The following TET1 variants were observed in gnomAD, a reference collection of about 807,000 sequenced individuals.
TET1 encodes the protein methylcytosine dioxygenase TET1.
TET1 carries 13 observed loss-of-function variants against 148.7 expected under a neutral mutation model. The ratio of observed to expected loss-of-function variants is 0.09; its 90% CI spans 0.06 to 0.14. The LOEUF is 0.14. TET1 is among the 10% of genes least tolerant of loss of function. TET1 has a pLI of 1.00. For synonymous variants in TET1, 907 were observed against 937.2 expected, an observed-to-expected ratio of 0.97 and a Z score of 0.59; for missense variants, 2,182 against 2,553.8, an observed-to-expected ratio of 0.85 and a Z score of 3.14.
At position 68,573,777 on chromosome 10, in the gene TET1, C is replaced by T. The variant is rs775663404; in HGVS notation, c.1439C>T (p.Ser480Leu). Residue 480 changes from serine (S) to leucine (L), a missense_variant, in exon 2 of 12, where the codon TCA becomes TTA. By Grantham distance (145) the Ser-to-Leu change is moderately radical (BLOSUM62 -2). Coordinates refer to ENST00000373644, the MANE Select transcript of TET1 (RefSeq NM_030625.3). Reference sequence around the variant, plus strand: ...GGCTCAGGACACACTCCTCAATCATCATCAAACTCAGAGAAAAATTCATTA... The same window carrying T: ...GGCTCAGGACACACTCCTCAATCATTATCAAACTCAGAGAAAAATTCATTA... The part of the protein sequence containing the change: ...PLGSGHTPQS[S>L]SNSEKNSLPP... The T allele has an allele frequency of 1.9e-6, 3 of 1,613,936 alleles. No homozygotes were observed. The highest frequency in any genetic ancestry group is 1.7e-6 in the Non-Finnish European group (2 of 1,180,038).
At chr10:68,622,562 G>C (rs2054392953) in intron 3 of TET1, among the ~76,000 whole-genome samples, 1 of 151,774 alleles carries the variant, frequency 6.6e-6, no homozygotes, top group South Asian at 2.1e-4. Context: ...CACCACACCC[G>C]GCCCCTCATT....
intron 6 of TET1, among the ~76,000 whole-genome samples, chr10:68,663,579 G>C (rs182016367): frequency 1.5e-4 from 23 of 152,170 alleles, no homozygotes; most frequent in African/African-American, 4.8e-4. Context: ...TTTAATACCA[G>C]TCATATATCA....
At chr10:68,641,807 T>C (rs562632851) in intron 3 of TET1, among the ~76,000 whole-genome samples, 2 of 152,250 alleles carry the variant, frequency 1.3e-5, no homozygotes, top group South Asian at 4.1e-4. Flanking sequence ...GGCCTATTTA[T>C]TTATTTATTG....
intron 3 of TET1, among the ~76,000 whole-genome samples, chr10:68,638,020 C>A (rs2054681216): frequency 6.6e-6 from 1 of 152,146 alleles, no homozygotes; most frequent in Non-Finnish European, 1.5e-5. Context: ...CCTCAAGTGA[C>A]CCACTCACTG....
rs1454252198 is a variant in TET1, at chr10:68,691,721, T to G, written c.6318T>G (p.Ser2106=). 2.5e-6 allele frequency: 4 copies of G among 1,614,068 alleles called. No individual in the cohort carries two copies. Among genetic ancestry groups the G allele is most frequent in the Admixed American group, 1.7e-5 (1 of 60,014 alleles). The part of the protein sequence containing the change: ...SEVNELNQIP[S]HKALTLTHDN... The stretch of plus-strand genomic sequence containing the variant: ...TAAATGAATTGAACCAAATTCCTTC[T>G]CATAAAGCATTAACATTAACCCATG... The change falls in exon 12 of 12, where the codon TCT becomes TCG. Residue 2106 remains serine, a synonymous_variant. Coordinates refer to ENST00000373644, the MANE Select transcript of TET1 (RefSeq NM_030625.3). This position sits in a 1 kb window ranked among gnomAD's most constrained non-coding sequence, Gnocchi z 4.4.
At chr10:68,653,004 A>G (rs934272531) in intron 6 of TET1, among the ~76,000 whole-genome samples, 1 of 151,662 alleles carries the variant, frequency 6.6e-6, no homozygotes, top group Admixed American at 6.6e-5. Context: ...AGTTGCAAAT[A>G]TATTTTCTCA....
intron 3 of TET1, among the ~76,000 whole-genome samples, chr10:68,624,886 C>G (rs1243558206): frequency 1.3e-5 from 2 of 151,534 alleles, no homozygotes; most frequent in Middle Eastern, 6.8e-3. Context: ...AGTCCGCCAT[C>G]ACGCCCAGCT....
intron 3 of TET1, among the ~76,000 whole-genome samples, chr10:68,627,644 G>A (rs2054505122): frequency 6.6e-6 from 1 of 151,344 alleles, no homozygotes; most frequent in Non-Finnish European, 1.5e-5. Context: ...AAGAAATAAA[G>A]TGGCCGGGCG....
intron 3 of TET1, among the ~76,000 whole-genome samples, chr10:68,602,114 C>T (rs1407290363): frequency 6.6e-6 from 1 of 152,150 alleles, no homozygotes; most frequent in Non-Finnish European, 1.5e-5. Context: ...TTTTCATGTA[C>T]CTGTTTCATC....
intron 3 of TET1, chr10:68,632,710 G>A: frequency 5.0e-6 from 8 of 1,608,078 alleles, no homozygotes; most frequent in Middle Eastern, 1.7e-4. Context: ...AAAACACAAC[G>A]GCGGCAGCAG....
At chr10:68,608,141 G>C (rs1349607670) in intron 3 of TET1, among the ~76,000 whole-genome samples, 1 of 152,108 alleles carries the variant, frequency 6.6e-6, no homozygotes, top group Non-Finnish European at 1.5e-5. Flanking sequence ...TGTTGGCCAG[G>C]ATGGTCTCAA....
chr10:68,647,797 A>C (rs1392821759), intron 4 of TET1, among the ~76,000 whole-genome samples: 1 of 152,102 alleles, frequency 6.6e-6, no homozygotes, highest in East Asian at 1.9e-4. Context: ...TTGCCGTCCT[A>C]CTCTAGAATT....
At chr10:68,689,642 G>C (rs1244050184) in intron 11 of TET1, among the ~76,000 whole-genome samples, 3 of 152,134 alleles carry the variant, frequency 2.0e-5, no homozygotes, top group African/African-American at 7.2e-5. Context: ...TGGGTGTGGT[G>C]GTGGTGTGCG....
rs140289196 is a variant in TET1 at position 68,646,205 on chromosome 10, G to A, written c.3476G>A (p.Arg1159Gln). 282 of 1,613,924 alleles carry A rather than the reference G, an allele frequency of 1.7e-4. No homozygotes were observed. The highest frequency in any genetic ancestry group is 4.9e-4 in the Middle Eastern group (3 of 6,084). Reference protein sequence around the residue: ...KTKSTPSRDRRKKKPTVVSYQ... With the variant: ...KTKSTPSRDRQKKKPTVVSYQ... Reference sequence around the variant, plus strand: ...AAATCCACCCCATCAAGAGATCGGCGGAAAAAGAAGCCCACAGTTGTAAGT... The same window carrying A: ...AAATCCACCCCATCAAGAGATCGGCAGAAAAAGAAGCCCACAGTTGTAAGT... The change falls in exon 4 of 12, where the codon CGG becomes CAG. Residue 1159 changes from arginine to glutamine, a missense_variant. By Grantham distance (43) the Arg-to-Gln change is conservative (BLOSUM62 1). This residue lies in a region of TET1 where 582 missense variants were observed against 599.5 expected (regional missense o/e 0.97). Transcript: ENST00000373644.
At chr10:68,574,649 C>A (rs1009152030) in intron 2 of TET1, among the ~76,000 whole-genome samples, 2 of 152,168 alleles carry the variant, frequency 1.3e-5, no homozygotes, top group Non-Finnish European at 2.9e-5. Context: ...GGAACAAATT[C>A]ATTAACTCCA....
At chr10:68,630,727 G>A (rs2054556792) in intron 3 of TET1, among the ~76,000 whole-genome samples, 1 of 152,194 alleles carries the variant, frequency 6.6e-6, no homozygotes. Flanking sequence ...ATAAGTGTAG[G>A]TTGATGCCAA....
chr10:68,643,261 C>CAAAAAAAA (rs59820865), intron 3 of TET1, among the ~76,000 whole-genome samples: 2 of 91,820 alleles, frequency 2.2e-5, no homozygotes, highest in Admixed American at 2.7e-4. Context: ...GACCCTGTCT[C>CAAAAAAAA]AAAAAAAAAA....
chr10:68,573,242 C>A lies in TET1; in HGVS notation c.904C>A (p.Leu302Ile). 2 of 1,613,978 alleles carry A rather than the reference C, an allele frequency of 1.2e-6. No individual in the cohort carries two copies. Among genetic ancestry groups the A allele is most frequent in the Non-Finnish European group, 1.7e-6 (2 of 1,180,012 alleles). Residue 302 changes from leucine (L) to isoleucine (I), a missense_variant, in exon 2 of 12, where the codon CTT becomes ATT. Leu to Ile is a conservative substitution (Grantham distance 5). This residue lies in a region of TET1 where 665 missense variants were observed against 672.4 expected (regional missense o/e 0.99). Transcript: ENST00000373644. ...SEHDCYPTSSLNKVIPDLNLR... is the reference protein window; with the variant it reads ...SEHDCYPTSSINKVIPDLNLR... The stretch of plus-strand genomic sequence containing the variant: ...ACATGATTGCTACCCCACCTCCAGT[C>A]TTAATAAGGTTATACCTGACTTGAA...
chr10:68,669,329 G>T (rs2055237603), intron 7 of TET1, among the ~76,000 whole-genome samples: 1 of 149,040 alleles, frequency 6.7e-6, no homozygotes, highest in Admixed American at 6.7e-5. Context: ...TTTTCTTTTT[G>T]AGACAGAGTC....
Sources: allele counts gnomAD v4.1 joint callset (sites outside exome capture counted in the v4.1 genomes callset), GRCh38; gene constraint gnomAD v4.1.1; regional missense constraint gnomAD v4.1.1; non-coding constraint Gnocchi (gnomAD v3.1); transcripts MANE v1.5; gene names NCBI Gene and HGNC (gene_info 2026-07-23, HGNC 2026-07-21).